The following STAT5B variants were observed in gnomAD, a reference collection of about 807,000 sequenced individuals.
The protein encoded by STAT5B is signal transducer and activator of transcription 5B, also known as transcription factor STAT5B.
A neutral mutation model predicts 107.8 loss-of-function variants in STAT5B; 21 were observed. That is an observed-to-expected ratio of 0.19 (90% CI 0.14 to 0.28). The LOEUF is 0.28. STAT5B is among the 10% of genes least tolerant of loss of function. STAT5B has a pLI of 1.00. For synonymous variants in STAT5B, 325 were observed against 401.7 expected (o/e 0.81, Z 2.28); for missense variants, 565 against 1,008.2 (o/e 0.56, Z 5.95).
In STAT5B at chr17:42,275,364, T is replaced by C. The variant is rs1347501150; in HGVS notation, c.-11+884A>G. Reference sequence around the variant, plus strand: ...GTATCTCTTTTAGTCTTTAAAATTCTTGTGCTTTTCATTAATCCCGTCTTT... The same window carrying C: ...GTATCTCTTTTAGTCTTTAAAATTCCTGTGCTTTTCATTAATCCCGTCTTT... On this transcript the variant is annotated intron_variant, in intron 1 of 18. Transcript: ENST00000293328. 2.0e-5 allele frequency: 3 copies of C among 152,236 alleles called. No individual in the cohort carries two copies. In the East Asian group the frequency reaches 5.8e-4, roughly 29 times the overall value. 9.4% of individuals were successfully genotyped at this position (152,236 alleles called of 1,614,324 possible). A position where few individuals can be genotyped will look rare whatever the true frequency, so the allele number is the denominator to read the frequency against.
intron 16 of STAT5B, 152 bp downstream of exon 16, chr17:42,207,406 G>A: frequency 2.1e-6 from 2 of 964,410 alleles, no homozygotes; most frequent in Non-Finnish European, 3.2e-6. Flanking sequence ...GTTTACATCT[G>A]CCCTGGAAAA....
chr17:42,236,390 C>T (rs557044725), intron 1 of STAT5B, among the ~76,000 whole-genome samples: 1 of 152,166 alleles, frequency 6.6e-6, no homozygotes, highest in African/African-American at 2.4e-5. Context: ...TAGGAAAAAA[C>T]CAACTGTTCT....
chr17:42,262,544 T>C (rs2080607803), intron 1 of STAT5B, among the ~76,000 whole-genome samples: 1 of 151,740 alleles, frequency 6.6e-6, no homozygotes, highest in South Asian at 2.1e-4. Context: ...ATAATAAACA[T>C]TTAGAGAAGT....
chr17:42,206,209 T>C (rs185173614), intron 16 of STAT5B, among the ~76,000 whole-genome samples: 1,800 of 151,948 alleles, frequency 0.012, 27 homozygotes, highest in African/African-American at 0.042. Flanking sequence ...CCTGCCTCAG[T>C]CTCCCAAGTA....
At chr17:42,208,736 ATTT>A (rs869068551) in intron 15 of STAT5B, among the ~76,000 whole-genome samples, 1 of 146,790 alleles carries the variant, frequency 6.8e-6, no homozygotes, top group African/African-American at 2.5e-5. Flanking sequence ...AAAGTGATGA[ATTT>A]TTTTTTTTTC....
intron 1 of STAT5B, among the ~76,000 whole-genome samples, chr17:42,260,754 A>G (rs934521844): frequency 6.6e-6 from 1 of 152,098 alleles, no homozygotes; most frequent in Non-Finnish European, 1.5e-5. Flanking sequence ...ATTAAAGTAT[A>G]TTGTTAAAAT....
chr17:42,258,301 C>T (rs973026059), intron 1 of STAT5B, among the ~76,000 whole-genome samples: 4 of 152,216 alleles, frequency 2.6e-5, no homozygotes, highest in Admixed American at 2.6e-4. Context: ...ACTAATTTGG[C>T]TTAGATGTCA....
chr17:42,226,345 C>G (rs2080272052), intron 3 of STAT5B, among the ~76,000 whole-genome samples: 1 of 152,138 alleles, frequency 6.6e-6, no homozygotes, highest in African/African-American at 2.4e-5. Flanking sequence ...AATATGTGAT[C>G]TTGGGCTGGA....
At chr17:42,270,432 CAG>C (rs1248871231) in intron 1 of STAT5B, 1 of 152,100 alleles carries the variant, frequency 6.6e-6, no homozygotes, top group Non-Finnish European at 1.5e-5. Context: ...TGTTTGTAAA[CAG>C]AGGCCAAGGA....
chr17:42,209,257 G>A (rs973345909), intron 15 of STAT5B, among the ~76,000 whole-genome samples: 13 of 151,396 alleles, frequency 8.6e-5, no homozygotes, highest in African/African-American at 2.9e-4. Context: ...GTCTTACTAT[G>A]TTGCCCAAGC....
intron 11 of STAT5B, among the ~76,000 whole-genome samples, chr17:42,216,512 T>C: frequency 6.6e-6 from 1 of 152,138 alleles, no homozygotes; most frequent in East Asian, 1.9e-4. Flanking sequence ...TTCAGTTCAT[T>C]ATTGTTTGTT....
At position 42,217,088 on chromosome 17, in the gene STAT5B, A is replaced by T. The variant is rs565957271; in HGVS notation, c.1380+72T>A. The T allele has an allele frequency of 1.5e-3, 2,341 of 1,554,340 alleles. 4 individuals carry two copies. The highest frequency in any genetic ancestry group is 1.8e-3 in the Admixed American group (92 of 50,988). On this transcript the variant is annotated intron_variant, in intron 11 of 18. Transcript: ENST00000293328. Reference sequence around the variant, plus strand: ...AGAAGATGCTATGTGATAAAAAAAAAATATTTTGTAACATAAAGTACACCA... The same window carrying T: ...AGAAGATGCTATGTGATAAAAAAAATATATTTTGTAACATAAAGTACACCA...
upstream of STAT5B, among the ~76,000 whole-genome samples, chr17:42,280,057 C>T (rs946550558): frequency 3.3e-5 from 5 of 151,934 alleles, no homozygotes; most frequent in East Asian, 1.9e-4. Context: ...TTCTAGGCCT[C>T]GGGGACATAT....
upstream of STAT5B, chr17:42,276,758 T>TGAA (rs1324900785): frequency 2.0e-5 from 3 of 151,824 alleles, no homozygotes; most frequent in Non-Finnish European, 4.4e-5. This position sits in a 1 kb window ranked among gnomAD's most constrained non-coding sequence, Gnocchi z 4.8. Context: ...TCGTGGTCGT[T>TGAA]TTGGTTGGCC....
intron 13 of STAT5B, 97 bp from the exon 14 acceptor site, chr17:42,210,594 T>A: frequency 8.9e-7 from 1 of 1,123,608 alleles, no homozygotes. Flanking sequence ...GAAACAAACA[T>A]CTACCCTTGT....
chr17:42,207,879 A>T, intron 15 of STAT5B, 151 bp from the exon 16 acceptor site: 1 of 823,428 alleles, frequency 1.2e-6, no homozygotes, highest in Non-Finnish European at 1.9e-6. Flanking sequence ...TAGATGAAAT[A>T]CTTTTATTTA....
intron 5 of STAT5B, among the ~76,000 whole-genome samples, chr17:42,221,515 T>C (rs551137109): frequency 6.6e-6 from 1 of 152,292 alleles, no homozygotes; most frequent in East Asian, 1.9e-4. Flanking sequence ...AAACCCAACC[T>C]GAATCCAAAC....
rs575040646 is a variant in STAT5B, at chr17:42,200,796, A to G, written c.*942T>C. The G allele has an allele frequency of 1.0e-4, 36 of 343,218 alleles. No homozygotes were observed. The highest frequency in any genetic ancestry group is 1.4e-4 in the Non-Finnish European group (27 of 191,176). 21.3% of individuals were successfully genotyped at this position (343,218 alleles called of 1,614,324 possible). A position where few individuals can be genotyped will look rare whatever the true frequency, so the allele number is the denominator to read the frequency against. On this transcript the variant is annotated 3_prime_UTR_variant, in exon 19 of 19. Coordinates refer to ENST00000293328, the MANE Select transcript of STAT5B (RefSeq NM_012448.4). ...AAAAGCATCATCAATAAGCCTGAAG[A>G]AGGCCACGGACTGTGCATCCGCTGG...
At chr17:42,207,799 T>C (rs2080098441) in intron 15 of STAT5B, 71 bp from the exon 16 acceptor site, 9 of 1,523,922 alleles carry the variant, frequency 5.9e-6, no homozygotes, top group Middle Eastern at 1.9e-4. Context: ...AACCCCAACA[T>C]ACTATAAATT....
Sources: gnomAD v4.1 joint callset for allele counts (sites outside exome capture counted in the v4.1 genomes callset) on GRCh38, gnomAD v4.1.1 for gene constraint, Gnocchi (gnomAD v3.1) non-coding constraint, MANE v1.5 for transcripts, NCBI Gene and HGNC (gene_info 2026-07-23, HGNC 2026-07-21) for gene names.